Variants in TMEM178A observed in about 807,000 individuals in gnomAD.
TMEM178A encodes the protein transmembrane protein 178A, also known as transmembrane protein 178.
TMEM178A carries 12 observed loss-of-function variants against 29.1 expected under a neutral mutation model. That is an observed-to-expected ratio of 0.41 (90% CI 0.26 to 0.67). The LOEUF (loss-of-function observed/expected upper bound fraction) is 0.67, where lower values mean the gene tolerates loss of function less well. TMEM178A is among the 30% of genes least tolerant of loss of function. TMEM178A has a pLI of 0.29. For missense variants in TMEM178A, 366 were observed against 419.1 expected (o/e 0.87, Z 1.11); for synonymous variants, 210 against 187.2 (o/e 1.12, Z -0.99).
At chr2:39,699,026 AT>A (rs112782718) in intron 1 of TMEM178A, among the ~76,000 whole-genome samples, 4,853 of 135,162 alleles carry the variant, frequency 0.036, 71 homozygotes, top group Non-Finnish European at 0.04. Context: ...TTCATTCCTG[AT>A]TTTTTTTTTT....
chr2:39,700,232 C>T (rs1236239951), intron 1 of TMEM178A, among the ~76,000 whole-genome samples: 1 of 152,094 alleles, frequency 6.6e-6, no homozygotes, highest in Non-Finnish European at 1.5e-5. Flanking sequence ...TATTATTGAT[C>T]TTCTGCCTAG....
rs765087001 is a variant in TMEM178A at position 39,716,210 on chromosome 2, G to A, written c.653-800G>A. Among the ~76,000 whole-genome samples, 14 of 152,250 alleles carry A rather than the reference G, an allele frequency of 9.2e-5. No individual in the cohort carries two copies. The Middle Eastern group carries it at 0.01, about 111-fold the overall frequency. ...AAGGAGCATCTTGAGGGTCCATTGC[G>A]GTGGAATAGAAGCACCTATATCCAC... On this transcript the variant is annotated intron_variant, in intron 3 of 3. Transcript: ENST00000281961.
chr2:39,729,567 G>A, the TMEM178A span, among the ~76,000 whole-genome samples: 2 of 152,030 alleles, frequency 1.3e-5, no homozygotes, highest in East Asian at 1.9e-4. Context: ...ACCAATATTC[G>A]CATGTAAAAT....
chr2:39,729,702 G>GA, the TMEM178A span, among the ~76,000 whole-genome samples: 20 of 152,264 alleles, frequency 1.3e-4, 1 homozygote, highest in South Asian at 4.2e-3. Flanking sequence ...CTGATATTCT[G>GA]TAAGTTAGGG....
intron 1 of TMEM178A, among the ~76,000 whole-genome samples, chr2:39,688,081 A>C (rs2148075288): frequency 6.6e-6 from 1 of 152,380 alleles, no homozygotes; most frequent in Admixed American, 6.5e-5. Context: ...ACTTTTAGTA[A>C]GTTATTATCA....
At position 39,697,239 on chromosome 2, in the gene TMEM178A, C is replaced by G. The variant is rs922385737; in HGVS notation, c.401-6842C>G. On this transcript the variant is annotated intron_variant, in intron 1 of 3. Transcript: ENST00000281961. Reference sequence around the variant, plus strand: ...TATGTTCTGTCAAGCAACTACAGGTCTTTCCCTGTAAGATTTTTGTGGTTT... The same window carrying G: ...TATGTTCTGTCAAGCAACTACAGGTGTTTCCCTGTAAGATTTTTGTGGTTT... 2.0e-5 allele frequency among the ~76,000 whole-genome samples: 3 copies of G among 152,186 alleles called. No individual in the cohort carries two copies. In the South Asian group the frequency reaches 6.2e-4, roughly 31 times the overall value.
the TMEM178A span, among the ~76,000 whole-genome samples, chr2:39,733,122 C>T: frequency 2.0e-5 from 3 of 152,086 alleles, no homozygotes; most frequent in Admixed American, 6.6e-5. Context: ...GGTAAGTTAC[C>T]GGATGGTTTG....
chr2:39,727,707 C>T, the TMEM178A span, among the ~76,000 whole-genome samples: 3 of 149,798 alleles, frequency 2.0e-5, no homozygotes, highest in South Asian at 6.6e-4. Context: ...CTAATGCTAT[C>T]CCTCCCCCAG....
the TMEM178A span, among the ~76,000 whole-genome samples, chr2:39,728,224 G>A: frequency 6.6e-6 from 1 of 152,180 alleles, no homozygotes; most frequent in Non-Finnish European, 1.5e-5. Context: ...TCCAGAATCT[G>A]TTTCCTGACT....
Position 39,707,179 on chromosome 2 carries a change from C to T in TMEM178A, c.645C>T (p.Leu215=). Residue 215 remains leucine (L), a synonymous_variant, in exon 3 of 4, where the codon CTC becomes CTT. Coordinates refer to ENST00000281961, the MANE Select transcript of TMEM178A (RefSeq NM_152390.3). The part of the protein sequence containing the change: ...LTQHVAGLLF[L]MTGIFCTISL... ...AGCACGTGGCTGGACTCCTGTTCCT[C>T]ATGACAGGTAGGCTGCATGCCTCAG... The T allele has an allele frequency of 1.2e-6, 2 of 1,611,700 alleles. No homozygotes were observed. The highest frequency in any genetic ancestry group is 1.7e-5 in the Admixed American group (1 of 59,548).
the TMEM178A span, among the ~76,000 whole-genome samples, chr2:39,732,701 A>T: frequency 1.3e-5 from 2 of 152,156 alleles, no homozygotes; most frequent in Non-Finnish European, 1.5e-5. Context: ...CAGGCTTCAC[A>T]CACCCTCCAG....
chr2:39,715,242 T>C (rs1475893736), intron 3 of TMEM178A, among the ~76,000 whole-genome samples: 1 of 152,238 alleles, frequency 6.6e-6, no homozygotes, highest in Non-Finnish European at 1.5e-5. Context: ...AACAGCTAAA[T>C]GCAGAATAAA....
At chr2:39,700,459 A>C (rs527267500) in intron 1 of TMEM178A, among the ~76,000 whole-genome samples, 98 of 151,940 alleles carry the variant, frequency 6.4e-4, no homozygotes, top group African/African-American at 2.3e-3. Context: ...TTTGTCTTAA[A>C]TTCTGTTTTG....
chr2:39,735,860 G>A, the TMEM178A span, among the ~76,000 whole-genome samples: 1 of 152,250 alleles, frequency 6.6e-6, no homozygotes, highest in African/African-American at 2.4e-5. Context: ...GCCATAGCTT[G>A]CACATGGGTG....
chr2:39,708,475 G>A (rs1186766186), intron 3 of TMEM178A, among the ~76,000 whole-genome samples: 3 of 132,826 alleles, frequency 2.3e-5, no homozygotes, highest in African/African-American at 5.7e-5. Flanking sequence ...CTGGAGTGCA[G>A]TGGCGCGATC....
intron 3 of TMEM178A, among the ~76,000 whole-genome samples, 178 bp from the exon 4 acceptor site, chr2:39,716,832 A>C (rs1187513100): frequency 6.6e-6 from 1 of 152,070 alleles, no homozygotes; most frequent in African/African-American, 2.4e-5. Context: ...TCTGGCACAC[A>C]GAAGTTTTGC....
intron 3 of TMEM178A, among the ~76,000 whole-genome samples, chr2:39,708,668 C>G (rs1166815579): frequency 6.6e-6 from 1 of 152,024 alleles, no homozygotes; most frequent in South Asian, 2.1e-4. Flanking sequence ...CCGCCCGCCT[C>G]GGCCTCCCAA....
intron 1 of TMEM178A, among the ~76,000 whole-genome samples, chr2:39,692,251 C>T (rs1204985711): frequency 3.3e-5 from 5 of 152,124 alleles, no homozygotes; most frequent in Non-Finnish European, 5.9e-5. Context: ...GATTTATTTA[C>T]AGCATGGTGG....
the TMEM178A span, among the ~76,000 whole-genome samples, chr2:39,735,850 G>A: frequency 1.3e-5 from 2 of 152,244 alleles, no homozygotes; most frequent in Non-Finnish European, 2.9e-5. Context: ...GGGCACAAAT[G>A]CCATAGCTTG....
Sources: gnomAD v4.1 joint callset for allele counts (sites outside exome capture counted in the v4.1 genomes callset) on GRCh38, gnomAD v4.1.1 for gene constraint, MANE v1.5 for transcripts, NCBI Gene and HGNC (gene_info 2026-07-23, HGNC 2026-07-21) for gene names.